ABCA9: variants seen among roughly 807,000 people sequenced by gnomAD.
The protein encoded by ABCA9 is ATP-binding cassette sub-family A member 9.
A neutral mutation model predicts 205.3 loss-of-function variants in ABCA9; 183 were observed. The observed-to-expected ratio is 0.89, with a 90% confidence interval of 0.79 to 1.01. ABCA9 has a LOEUF of 1.01. Ranked by LOEUF, ABCA9 falls within the 50% of genes least tolerant of loss-of-function variation. The probability of loss-of-function intolerance (pLI) is 0.00; values close to 1 mark genes in which losing one functional copy is unlikely to be tolerated. For missense variants in ABCA9, 1,805 were observed against 1,912.4 expected, an observed-to-expected ratio of 0.94 and a Z score of 1.05; for synonymous variants, 651 against 683.3, an observed-to-expected ratio of 0.95 and a Z score of 0.74.
rs747342885 is a variant in ABCA9, at chr17:69,032,259, A to T, written c.1294T>A (p.Cys432Ser). 1 of 1,613,704 alleles carries T rather than the reference A, an allele frequency of 6.2e-7. No homozygotes were observed. The highest frequency in any genetic ancestry group is 1.1e-5 in the South Asian group (1 of 91,010). ...KILPAEYGHR[C>S]SPLFFLKSCF... Reference sequence around the variant, plus strand: ...GATTTCAGGAAAAACAAGGGAGAACATCGATGTCCATATTCAGCTATGTGA... The same window carrying T: ...GATTTCAGGAAAAACAAGGGAGAACTTCGATGTCCATATTCAGCTATGTGA... Residue 432 changes from cysteine to serine, a missense_variant, in exon 10 of 39, where the codon TGT (cysteine) becomes AGT (serine). Coordinates refer to ENST00000340001, the MANE Select transcript of ABCA9 (RefSeq NM_080283.4).
intron 9 of ABCA9, 97 bp from the exon 10 acceptor site, chr17:69,032,373 C>A: frequency 1.8e-6 from 2 of 1,123,378 alleles, no homozygotes; most frequent in East Asian, 2.5e-5. Flanking sequence ...AACCTGAACC[C>A]ACATTATCAT....
chr17:69,064,568 A>G (rs1045814177), upstream of ABCA9, among the ~76,000 whole-genome samples: 40 of 152,220 alleles, frequency 2.6e-4, no homozygotes, highest in African/African-American at 9.6e-4. Flanking sequence ...TCCAGAGGAC[A>G]CAATAGTATC....
At position 68,984,173 on chromosome 17, in the gene ABCA9, T is replaced by C; in HGVS notation, c.4382A>G (p.Gln1461Arg). The change falls in exon 35 of 39, where the codon CAG (glutamine) becomes CGG (arginine). Residue 1461 changes from glutamine to arginine, a missense_variant and splice_region_variant. Coordinates refer to ENST00000340001, the MANE Select transcript of ABCA9 (RefSeq NM_080283.4). ...MDPEGQQQMW[Q>R]VIRATFRNTE... Reference sequence around the variant, plus strand: ...GTTTCTAAAGGTGGCCCGAATCACCTGCCTAAAGTTAAGTCAAGAGAAAAC... The same window carrying C: ...GTTTCTAAAGGTGGCCCGAATCACCCGCCTAAAGTTAAGTCAAGAGAAAAC... 6.2e-7 allele frequency: 1 copy of C among 1,613,952 alleles called. No individual in the cohort carries two copies. Among genetic ancestry groups the C allele is most frequent in the East Asian group, 2.2e-5 (1 of 44,878 alleles).
chr17:68,982,029 G>A (rs962973485), intron 37 of ABCA9, among the ~76,000 whole-genome samples: 1 of 151,970 alleles, frequency 6.6e-6, no homozygotes, highest in Admixed American at 6.6e-5. Flanking sequence ...CAAAATCCAA[G>A]GGCCTAAAAT....
the ABCA9 span, among the ~76,000 whole-genome samples, chr17:69,065,982 G>A: frequency 2.0e-5 from 3 of 152,092 alleles, no homozygotes; most frequent in African/African-American, 7.2e-5. Context: ...CTCCCCTTCT[G>A]CCATGAATGT....
rs544180235 is a variant in ABCA9, at chr17:69,043,008, C to G, written c.800+481G>C. Reference sequence around the variant, plus strand: ...ATAATGAAATAATTATACAACTTACCATAATGTAGAATCAGTAGGAACCCT... The same window carrying G: ...ATAATGAAATAATTATACAACTTACGATAATGTAGAATCAGTAGGAACCCT... On this transcript the variant is annotated intron_variant, in intron 6 of 38. Transcript: ENST00000340001. The G allele has an allele frequency of 2.8e-3, 454 of 161,386 alleles. 3 individuals are homozygous for G. The highest frequency in any genetic ancestry group is 4.3e-3 in the Non-Finnish European group (321 of 75,446). 10.0% of individuals were successfully genotyped at this position (161,386 alleles called of 1,614,324 possible). A position where few individuals can be genotyped will look rare whatever the true frequency, so the allele number is the denominator to read the frequency against.
chr17:69,006,280 T>C (rs1426204307), intron 25 of ABCA9, among the ~76,000 whole-genome samples: 2 of 152,230 alleles, frequency 1.3e-5, no homozygotes, highest in Non-Finnish European at 2.9e-5. Flanking sequence ...GTAATTCCAC[T>C]GCTAGGTTTA....
chr17:68,998,015 C>T (rs989819372), intron 25 of ABCA9, among the ~76,000 whole-genome samples: 2 of 152,188 alleles, frequency 1.3e-5, no homozygotes, highest in African/African-American at 4.8e-5. Context: ...TCCAGAATGT[C>T]ATTTAGTTGT....
intron 31 of ABCA9, chr17:68,986,812 A>G (rs1033813784): frequency 6.6e-6 from 1 of 152,526 alleles, no homozygotes; most frequent in African/African-American, 2.4e-5. Flanking sequence ...TATTACTGGC[A>G]TCTAGTAAGT....
intron 26 of ABCA9, among the ~76,000 whole-genome samples, chr17:68,995,046 T>C (rs1459074272): frequency 6.6e-6 from 1 of 152,358 alleles, no homozygotes. Flanking sequence ...ACTGTGCTTT[T>C]GCATTGACAC....
At chr17:69,022,494 T>TTG (rs759682144) in intron 17 of ABCA9, 3,898 of 147,364 alleles carry the variant, frequency 0.026, 94 homozygotes, top group Admixed American at 0.059. Flanking sequence ...CTGGCTAATT[T>TTG]TGTGTGTGTG....
At chr17:69,027,500 AAC>A in intron 13 of ABCA9, 51 bp from the exon 14 acceptor site, 1 of 1,576,230 alleles carries the variant, frequency 6.3e-7, no homozygotes, top group Non-Finnish European at 8.6e-7. Context: ...TTATTTTAAA[AAC>A]ACTATCATTT....
rs745496262 is a variant in ABCA9, at chr17:68,993,033, A to G, written c.3607T>C (p.Tyr1203His). 3.1e-6 allele frequency: 5 copies of G among 1,613,440 alleles called. No individual in the cohort carries two copies. Among genetic ancestry groups the G allele is most frequent in the Non-Finnish European group, 8.5e-7 (1 of 1,179,700 alleles). ...YLGASESEIV[Y>H]LALLIPYLHF... The stretch of plus-strand genomic sequence containing the variant: ...CTTCTTACTATTAGCAGTGCCAGGT[A>G]TACAATTTCAGATTCTGAAGCTCCT... Residue 1203 changes from tyrosine (Y) to histidine (H), a missense_variant, in exon 27 of 39, where the codon TAC (tyrosine) becomes CAC (histidine). Transcript: ENST00000340001.
intron 25 of ABCA9, among the ~76,000 whole-genome samples, chr17:69,000,502 C>G (rs954679535): frequency 6.6e-6 from 1 of 150,734 alleles, no homozygotes; most frequent in Non-Finnish European, 1.5e-5. Flanking sequence ...GTTTTGGTAC[C>G]AGTACCATGC....
intron 34 of ABCA9, among the ~76,000 whole-genome samples, chr17:68,984,438 A>G (rs998999175): frequency 2.0e-5 from 3 of 152,240 alleles, no homozygotes; most frequent in Admixed American, 2.0e-4. Context: ...CAGTAGGAAC[A>G]AAGAAAATTA....
intron 25 of ABCA9, among the ~76,000 whole-genome samples, chr17:69,007,271 C>T (rs1452752276): frequency 3.9e-5 from 6 of 152,016 alleles, no homozygotes; most frequent in Non-Finnish European, 7.4e-5. Context: ...TGTGGTGGCG[C>T]ACACCTGTAA....
intron 31 of ABCA9, among the ~76,000 whole-genome samples, chr17:68,988,236 G>GT (rs150870843): frequency 0.044 from 6,743 of 152,228 alleles, 481 homozygotes; most frequent in African/African-American, 0.15. Context: ...GGAAGTTGTG[G>GT]TCCTTTGGCT....
At position 69,032,289 on chromosome 17, in the gene ABCA9, G is replaced by A. The variant is rs779129973; in HGVS notation, c.1277-13C>T. ...TGTCCATATTCAGCTATGTGAGCAG[G>A]AGGCAATTGAATACTGGGTCAGTCA... is the stretch of plus-strand genomic sequence containing the variant. On this transcript the variant is annotated splice_polypyrimidine_tract_variant and intron_variant, in intron 9 of 38. Transcript: ENST00000340001. The A allele has an allele frequency of 3.7e-6, 6 of 1,610,168 alleles. No individual in the cohort carries two copies. The East Asian group carries it at 6.7e-5, about 18-fold the overall frequency.
chr17:69,033,540 T>C, intron 9 of ABCA9, 186 bp downstream of exon 9: 1 of 435,520 alleles, frequency 2.3e-6, no homozygotes, highest in Non-Finnish European at 4.1e-6. Context: ...AAAGAAACAC[T>C]CTGGAGTGTT....
Sources: allele counts gnomAD v4.1 joint callset (sites outside exome capture counted in the v4.1 genomes callset), GRCh38; gene constraint gnomAD v4.1.1; transcripts MANE v1.5; gene names NCBI Gene and HGNC (gene_info 2026-07-23, HGNC 2026-07-21).